GRXCR1: variants seen among roughly 807,000 people sequenced by gnomAD.
GRXCR1 encodes the protein glutaredoxin domain-containing cysteine-rich protein 1.
In GRXCR1, 27 loss-of-function variants were observed where a neutral mutation model predicts 27.3. The ratio of observed to expected loss-of-function variants is 0.99; its 90% CI spans 0.73 to 1.37. The LOEUF (loss-of-function observed/expected upper bound fraction) is 1.37. Ranked by LOEUF, GRXCR1 falls within the 40% of genes most tolerant of loss-of-function variation. The pLI is 0.00. For synonymous variants in GRXCR1, 122 were observed against 131.1 expected (o/e 0.93, Z 0.47); for missense variants, 379 against 354.4 (o/e 1.07, Z -0.56).
intron 1 of GRXCR1, among the ~76,000 whole-genome samples, chr4:42,943,011 C>A (rs1747659446): frequency 2.6e-5 from 4 of 151,944 alleles, no homozygotes; most frequent in Admixed American, 2.6e-4. Context: ...AGCCACAAAG[C>A]CCTTAATGGA....
chr4:42,989,967 GAA>G (rs1711909534), intron 2 of GRXCR1, among the ~76,000 whole-genome samples: 1 of 151,914 alleles, frequency 6.6e-6, no homozygotes, highest in African/African-American at 2.4e-5. Context: ...CCAAGGTTGT[GAA>G]AAGTTTTTAT....
intron 3 of GRXCR1, among the ~76,000 whole-genome samples, chr4:43,024,406 G>C (rs964026015): frequency 7.2e-5 from 11 of 152,060 alleles, no homozygotes; most frequent in Admixed American, 7.2e-4. Flanking sequence ...AGCTCTGTAT[G>C]ATGGTCCTTC....
At chr4:42,962,825 G>A in intron 1 of GRXCR1, 67 bp from the exon 2 acceptor site, 1 of 1,586,518 alleles carries the variant, frequency 6.3e-7, no homozygotes, top group Admixed American at 1.7e-5. Context: ...ATTTTTAATT[G>A]TCTTAAAATC....
intron 1 of GRXCR1, among the ~76,000 whole-genome samples, chr4:42,903,455 G>GC (rs1319491263): frequency 6.9e-6 from 1 of 145,468 alleles, no homozygotes; most frequent in Non-Finnish European, 1.5e-5. Flanking sequence ...GGGACTACAG[G>GC]CACCCACCAC....
chr4:42,953,253 C>A (rs1197658791), intron 1 of GRXCR1, among the ~76,000 whole-genome samples: 2 of 152,158 alleles, frequency 1.3e-5, no homozygotes, highest in Non-Finnish European at 2.9e-5. Flanking sequence ...TATTTCCTCT[C>A]CCCTTGAATC....
At chr4:42,968,148 G>C (rs1017949530) in intron 2 of GRXCR1, among the ~76,000 whole-genome samples, 3 of 151,858 alleles carry the variant, frequency 2.0e-5, no homozygotes, top group Admixed American at 6.6e-5. Context: ...TTGGTCTTCC[G>C]ACTCTCAAGT....
chr4:42,929,972 C>A (rs1747265673), intron 1 of GRXCR1, among the ~76,000 whole-genome samples: 1 of 151,986 alleles, frequency 6.6e-6, no homozygotes, highest in African/African-American at 2.4e-5. Flanking sequence ...TCTAAGACCA[C>A]ACTGTTGATT....
chr4:43,027,466 G>A lies in GRXCR1; in HGVS notation c.694-2895G>A, dbSNP rs114166546. 5.1e-3 allele frequency among the ~76,000 whole-genome samples: 776 copies of A among 152,286 alleles called. 8 individuals are homozygous for A. Among genetic ancestry groups the A allele is most frequent in the African/African-American group, 0.018 (754 of 41,562 alleles). On this transcript the variant is annotated intron_variant, in intron 3 of 3. Transcript: ENST00000399770. ...AGTGAATTTAACATTTGATATTTTA[G>A]CCTTTGAAAGTAATATTTGTAAGTG... is the stretch of plus-strand genomic sequence containing the variant.
rs1004875651 is a variant in GRXCR1, at chr4:42,996,765, G to T, written c.628-23589G>T. Among the ~76,000 whole-genome samples, 44 of 151,738 alleles carry T rather than the reference G, an allele frequency of 2.9e-4. 1 individual carries two copies. The highest frequency in any genetic ancestry group is 1.0e-3 in the African/African-American group (42 of 41,322). On this transcript the variant is annotated intron_variant, in intron 2 of 3. Coordinates refer to ENST00000399770, the MANE Select transcript of GRXCR1 (RefSeq NM_001080476.3). ...ATGCAAAATTCCATCTATAAAGGAAGATTAAATAACATCCTGACAAAATAA... is the reference window on the plus strand; with the variant it reads ...ATGCAAAATTCCATCTATAAAGGAATATTAAATAACATCCTGACAAAATAA...
chr4:42,965,659 T>G (rs1338325905), intron 2 of GRXCR1, among the ~76,000 whole-genome samples: 1 of 152,066 alleles, frequency 6.6e-6, no homozygotes, highest in Non-Finnish European at 1.5e-5. Context: ...TGATTTAGTT[T>G]AAATTTAGAT....
intron 1 of GRXCR1, among the ~76,000 whole-genome samples, chr4:42,925,795 G>A (rs896230913): frequency 1.3e-5 from 2 of 151,888 alleles, no homozygotes; most frequent in African/African-American, 2.4e-5. Flanking sequence ...AACACAGGTA[G>A]TCTTGAAAGA....
chr4:42,907,994 G>A (rs907825676), intron 1 of GRXCR1, among the ~76,000 whole-genome samples: 7 of 152,118 alleles, frequency 4.6e-5, no homozygotes, highest in Non-Finnish European at 8.8e-5. Flanking sequence ...AATAACCACT[G>A]GTTTAGGTAT....
At chr4:43,013,912 T>TA (rs1712847823) in intron 2 of GRXCR1, among the ~76,000 whole-genome samples, 3 of 152,124 alleles carry the variant, frequency 2.0e-5, no homozygotes, top group African/African-American at 4.8e-5. Context: ...GGCTTTATTA[T>TA]AAAAAATCAG....
intron 2 of GRXCR1, among the ~76,000 whole-genome samples, chr4:42,983,853 T>C (rs77932386): frequency 1.4e-5 from 2 of 148,074 alleles, no homozygotes; most frequent in Admixed American, 6.9e-5. Flanking sequence ...TTTTTTTTTT[T>C]CAGACAGAGT....
chr4:43,021,912 A>G (rs1003341557), intron 3 of GRXCR1, among the ~76,000 whole-genome samples: 1 of 152,172 alleles, frequency 6.6e-6, no homozygotes, highest in African/African-American at 2.4e-5. Flanking sequence ...CTCCTTCCTC[A>G]GCTCTGCTTC....
chr4:42,951,577 G>A (rs889024260), intron 1 of GRXCR1, among the ~76,000 whole-genome samples: 2 of 152,130 alleles, frequency 1.3e-5, no homozygotes, highest in African/African-American at 2.4e-5. Context: ...TGCAATGAAC[G>A]TATGTGTTCA....
chr4:42,983,815 C>T (rs1284199575), intron 2 of GRXCR1, among the ~76,000 whole-genome samples: 1 of 147,638 alleles, frequency 6.8e-6, no homozygotes, highest in Non-Finnish European at 1.5e-5. Flanking sequence ...AGTAACCTGT[C>T]TTTATGTTCA....
intron 1 of GRXCR1, among the ~76,000 whole-genome samples, chr4:42,894,755 G>C (rs2109734261): frequency 6.6e-6 from 1 of 152,180 alleles, no homozygotes; most frequent in Admixed American, 6.6e-5. Flanking sequence ...TGAGGTTGGA[G>C]ACTGAAAATC....
At chr4:43,009,298 A>G (rs2109801445) in intron 2 of GRXCR1, among the ~76,000 whole-genome samples, 1 of 152,326 alleles carries the variant, frequency 6.6e-6, no homozygotes, top group African/African-American at 2.4e-5. Flanking sequence ...CTTTCTAGAC[A>G]AGGTTATTAT....
Sources: gnomAD v4.1 joint callset for allele counts (sites outside exome capture counted in the v4.1 genomes callset) on GRCh38, gnomAD v4.1.1 for gene constraint, MANE v1.5 for transcripts, NCBI Gene and HGNC (gene_info 2026-07-23, HGNC 2026-07-21) for gene names.